The following MADD variants were observed in gnomAD, a reference collection of about 807,000 sequenced individuals.
The protein encoded by MADD is MAP kinase-activating death domain protein.
A neutral mutation model predicts 176.7 loss-of-function variants in MADD; 109 were observed. The ratio of observed to expected loss-of-function variants is 0.62; its 90% CI spans 0.53 to 0.72. The LOEUF (loss-of-function observed/expected upper bound fraction) is 0.72. Among genes scored for constraint, MADD ranks in the 30% least tolerant of loss-of-function variants. The pLI is 0.00. For synonymous variants in MADD, 771 were observed against 771.3 expected, an observed-to-expected ratio of 1.00 and a Z score of 0.01; for missense variants, 1,914 against 2,045.5, an observed-to-expected ratio of 0.94 and a Z score of 1.24.
intron 3 of MADD, among the ~76,000 whole-genome samples, chr11:47,275,419 G>A (rs1191615433): frequency 6.6e-6 from 1 of 152,186 alleles, no homozygotes; most frequent in East Asian, 1.9e-4. Context: ...AGCCTCCCGA[G>A]TAGCTGGGAT....
chr11:47,321,886 A>G (rs1233740380), intron 27 of MADD, among the ~76,000 whole-genome samples: 1 of 152,078 alleles, frequency 6.6e-6, no homozygotes, highest in Non-Finnish European at 1.5e-5. Flanking sequence ...CCAGGAGGAG[A>G]TGTTGAGTTC....
chr11:47,307,403 A>T (rs939317101), intron 22 of MADD, among the ~76,000 whole-genome samples: 1 of 152,180 alleles, frequency 6.6e-6, no homozygotes, highest in African/African-American at 2.4e-5. Flanking sequence ...CTCTTTATAC[A>T]GAGCTGCTGA....
intron 30 of MADD, 94 bp downstream of exon 33, chr11:47,324,671 G>A: frequency 1.2e-6 from 1 of 850,112 alleles, no homozygotes; most frequent in Non-Finnish European, 1.9e-6. Context: ...AAGCATGAGA[G>A]AGGGCCCTCT....
chr11:47,290,330 A>C, intron 18 of MADD, 31 bp downstream of exon 19: 1 of 1,606,160 alleles, frequency 6.2e-7, no homozygotes, highest in East Asian at 2.2e-5. Flanking sequence ...GCACCACGCC[A>C]TCCCTAACTC....
chr11:47,291,992 TGAG>T (rs1042843531), intron 19 of MADD, among the ~76,000 whole-genome samples: 15 of 152,158 alleles, frequency 9.9e-5, no homozygotes, highest in Admixed American at 6.6e-5. Flanking sequence ...GTTGGTTTCT[TGAG>T]GAGCAATGAG....
At chr11:47,272,359 A>G (rs528073118) in intron 1 of MADD, 1 of 152,344 alleles carries the variant, frequency 6.6e-6, no homozygotes, top group South Asian at 2.1e-4. Context: ...GTTTATTGTT[A>G]GGTAGGGGAG....
intron 4 of MADD, 43 bp from the exon 5 acceptor site, chr11:47,276,689 A>G (rs771123942): frequency 3.1e-6 from 5 of 1,602,062 alleles, no homozygotes; most frequent in South Asian, 1.1e-5. Flanking sequence ...TGTAAACCAT[A>G]TTTTATGTTT....
chr11:47,328,392 G>A (rs1044572664), intron 31 of MADD: 1 of 1,392,104 alleles, frequency 7.2e-7, no homozygotes, highest in Non-Finnish European at 9.3e-7. Flanking sequence ...TCAAAGAAGT[G>A]GGTAGAATCA....
intron 4 of MADD, among the ~76,000 whole-genome samples, chr11:47,276,523 G>C (rs2050034204): frequency 6.6e-6 from 1 of 152,188 alleles, no homozygotes; most frequent in South Asian, 2.1e-4. Context: ...GGAAGGTAAG[G>C]GAGTGATTTG....
intron 10 of MADD, 44 bp downstream of exon 10, chr11:47,283,013 G>A (rs143653424): frequency 6.3e-7 from 1 of 1,589,812 alleles, no homozygotes; most frequent in Non-Finnish European, 8.6e-7. Context: ...AGGTGAGGAG[G>A]CTCTCACTAG....
intron 22 of MADD, among the ~76,000 whole-genome samples, chr11:47,301,737 T>TTAAAAG (rs1315581180): frequency 3.9e-5 from 6 of 152,242 alleles, no homozygotes; most frequent in African/African-American, 7.2e-5. Flanking sequence ...TTGTATGATT[T>TTAAAAG]TAAAAGTTTC....
intron 15 of MADD, among the ~76,000 whole-genome samples, chr11:47,287,782 ATTTT>A (rs57417064): frequency 3.6e-5 from 2 of 55,044 alleles, no homozygotes; most frequent in Non-Finnish European, 6.4e-5. Context: ...AGAAACATGT[ATTTT>A]TTTTTTTTTT....
chr11:47,285,701 A>C (rs1306017503), intron 14 of MADD, 111 bp downstream of exon 14: 1 of 1,460,476 alleles, frequency 6.8e-7, no homozygotes, highest in East Asian at 2.3e-5. Flanking sequence ...GGTTGGCATT[A>C]GCAAGCCCTA....
At chr11:47,274,985 G>T (rs145996352) in exon 3 of MADD, 19 of 1,614,006 alleles carry the variant, frequency 1.2e-5, no homozygotes, top group Non-Finnish European at 1.5e-5. Flanking sequence ...GGCAAACGCC[G>T]GGCCAAGGCG....
At chr11:47,284,460 G>A (rs577834767) in exon 12 of MADD, 2 of 1,614,126 alleles carry the variant, frequency 1.2e-6, no homozygotes, top group Non-Finnish European at 1.7e-6. Context: ...AAGCAGAAGA[G>A]CCTGGCCCAG....
At chr11:47,300,292 C>T (rs1243582627) in intron 22 of MADD, among the ~76,000 whole-genome samples, 11 of 149,990 alleles carry the variant, frequency 7.3e-5, no homozygotes, top group South Asian at 2.1e-4. Flanking sequence ...CTGCTACCCC[C>T]GCCTCCCGGG....
At chr11:47,273,422 T>C (rs911848502) in intron 1 of MADD, among the ~76,000 whole-genome samples, 12 of 152,164 alleles carry the variant, frequency 7.9e-5, no homozygotes, top group Admixed American at 7.2e-4. Flanking sequence ...CACCACAGCC[T>C]CCACCTCCTG....
At chr11:47,301,413 C>T (rs138548858) in intron 22 of MADD, among the ~76,000 whole-genome samples, 101 of 152,216 alleles carry the variant, frequency 6.6e-4, no homozygotes, top group African/African-American at 2.2e-3. Flanking sequence ...CCACCACGCC[C>T]GGCCTATTTT....
Position 47,326,572 on chromosome 11 carries a change from T to C in MADD, c.4543-166T>C, listed in dbSNP as rs751340007. ...CGGAAGGTACATGCCCTTTCTGCTA[T>C]CTTCGCTTCTTAGCGCTTTTGAGTT... On this transcript the variant is annotated intron_variant, in intron 30 of 32. Coordinates refer to ENST00000402192, the Ensembl canonical transcript of MADD. 7.0e-7 allele frequency: 1 copy of C among 1,419,580 alleles called. No individual in the cohort carries two copies. The highest frequency in any genetic ancestry group is 9.2e-7 in the Non-Finnish European group (1 of 1,088,088). The allele number at this position is 1,419,580 out of a possible 1,614,324, so 87.9% of individuals were successfully genotyped here. A position where few individuals can be genotyped will look rare whatever the true frequency, so the allele number is the denominator to read the frequency against.
Sources: gnomAD v4.1 joint callset for allele counts (sites outside exome capture counted in the v4.1 genomes callset) on GRCh38, gnomAD v4.1.1 for gene constraint, MANE v1.5 for transcripts, NCBI Gene and HGNC (gene_info 2026-07-23, HGNC 2026-07-21) for gene names.